ADAM12: variants seen among roughly 807,000 people sequenced by gnomAD.
ADAM12 encodes the protein disintegrin and metalloproteinase domain-containing protein 12.
ADAM12 carries 70 observed loss-of-function variants against 106.4 expected under a neutral mutation model. That is an observed-to-expected ratio of 0.66 (90% confidence interval 0.54 to 0.80). ADAM12 has a LOEUF of 0.80. ADAM12 is among the 30% of genes least tolerant of loss of function. The pLI is 0.00. For missense variants in ADAM12, 1,010 were observed against 1,171.9 expected (o/e 0.86, Z 2.02); for synonymous variants, 420 against 433.5 (o/e 0.97, Z 0.39).
chr10:126,088,512 C>A (rs1481796060), intron 11 of ADAM12, among the ~76,000 whole-genome samples: 1 of 149,954 alleles, frequency 6.7e-6, no homozygotes, highest in Non-Finnish European at 1.5e-5. Flanking sequence ...ACCAGCCTGT[C>A]CAACATGATG....
At chr10:126,114,283 T>G (rs923862473) in intron 6 of ADAM12, among the ~76,000 whole-genome samples, 2 of 151,920 alleles carry the variant, frequency 1.3e-5, no homozygotes. Context: ...TAGGGAGAAA[T>G]GTGAAGTATT....
chr10:126,074,579 G>A (rs544481824), intron 11 of ADAM12, among the ~76,000 whole-genome samples: 11 of 152,180 alleles, frequency 7.2e-5, no homozygotes, highest in Admixed American at 2.6e-4. Flanking sequence ...TTGTCAGACT[G>A]TATAGTGATC....
intron 3 of ADAM12, among the ~76,000 whole-genome samples, chr10:126,196,642 A>G (rs938977145): frequency 6.6e-6 from 1 of 152,228 alleles, no homozygotes; most frequent in Non-Finnish European, 1.5e-5. Flanking sequence ...ACTGGGGTTG[A>G]CAGAAAATAA....
chr10:126,119,281 T>C (rs531076166), intron 5 of ADAM12, among the ~76,000 whole-genome samples: 6 of 152,316 alleles, frequency 3.9e-5, no homozygotes, highest in African/African-American at 1.2e-4. Context: ...TTACTAGTTA[T>C]GTGACCTTAA....
intron 21 of ADAM12, among the ~76,000 whole-genome samples, chr10:126,021,596 T>G (rs1953768702): frequency 6.6e-6 from 1 of 152,082 alleles, no homozygotes; most frequent in African/African-American, 2.4e-5. Flanking sequence ...AAAGAAACAT[T>G]AAATAGAAAA....
chr10:126,175,674 T>C (rs905312832), intron 3 of ADAM12, among the ~76,000 whole-genome samples: 5 of 152,356 alleles, frequency 3.3e-5, no homozygotes, highest in Non-Finnish European at 7.3e-5. Flanking sequence ...CGTGATGTGA[T>C]GTGGGTGCCA....
intron 3 of ADAM12, among the ~76,000 whole-genome samples, chr10:126,214,767 C>T (rs769756406): frequency 5.9e-5 from 9 of 152,208 alleles, no homozygotes; most frequent in Non-Finnish European, 1.2e-4. Context: ...AGCTTGGAGT[C>T]CTAGTTAATC....
chr10:126,145,116 T>C (rs1624391), intron 4 of ADAM12, among the ~76,000 whole-genome samples: 114,125 of 152,112 alleles, frequency 0.75, 42,981 homozygotes, highest in East Asian at 0.91. Flanking sequence ...GGGCACATTA[T>C]GTCATATGTT....
intron 2 of ADAM12, among the ~76,000 whole-genome samples, chr10:126,310,337 G>A (rs767393583): frequency 3.3e-5 from 5 of 152,046 alleles, no homozygotes; most frequent in Admixed American, 1.3e-4. Context: ...AGGGGTCGGA[G>A]GAGAACAAGG....
At chr10:126,325,495 C>G (rs888741631) in intron 2 of ADAM12, among the ~76,000 whole-genome samples, 18 of 152,168 alleles carry the variant, frequency 1.2e-4, no homozygotes, top group Admixed American at 8.5e-4. Flanking sequence ...GTAGAATGTG[C>G]CTCTGTCATT....
chr10:126,168,226 T>C (rs954361265), intron 3 of ADAM12, among the ~76,000 whole-genome samples: 1 of 152,200 alleles, frequency 6.6e-6, no homozygotes. Context: ...ATCTGCAGAA[T>C]GTTTGGGCTG....
At chr10:126,186,637 A>AG (rs1359722539) in intron 3 of ADAM12, among the ~76,000 whole-genome samples, 5 of 151,336 alleles carry the variant, frequency 3.3e-5, no homozygotes, top group African/African-American at 9.7e-5. Flanking sequence ...TGGGCCATAG[A>AG]GGGGGGCAGG....
At position 126,117,177 on chromosome 10, in the gene ADAM12, G is replaced by A. The variant is rs566355823; in HGVS notation, c.603+861C>T. Among the ~76,000 whole-genome samples the A allele has an allele frequency of 2.0e-5, 3 of 152,282 alleles. No homozygotes were observed. In the East Asian group the frequency reaches 5.8e-4, roughly 29 times the overall value. On this transcript the variant is annotated intron_variant, in intron 6 of 22. Coordinates refer to ENST00000448723, the MANE Select transcript of ADAM12 (RefSeq NM_001288973.2). ...GGGCCTCCAGCCAAATGTTGGGAACGATTGCCTTTAATCCTTATTAAAAGA... is the reference window on the plus strand; with the variant it reads ...GGGCCTCCAGCCAAATGTTGGGAACAATTGCCTTTAATCCTTATTAAAAGA...
At chr10:126,041,386 GA>G (rs1206213933) in intron 18 of ADAM12, 2 of 985,640 alleles carry the variant, frequency 2.0e-6, no homozygotes, top group Non-Finnish European at 1.2e-6. Flanking sequence ...GGCCACGGGG[GA>G]TGGAGTTAGG....
rs1275374850 is a variant in ADAM12, at chr10:126,135,599, G to A, written c.401C>T (p.Thr134Met). The A allele has an allele frequency of 1.5e-5, 24 of 1,614,068 alleles. No individual in the cohort carries two copies. The highest frequency in any genetic ancestry group is 1.9e-5 in the Non-Finnish European group (22 of 1,180,020). Residue 134 changes from threonine (T) to methionine (M), a missense_variant, in exon 5 of 23, where the codon ACG becomes ATG. Around this residue, in one of 3 missense-constraint regions of ADAM12, gnomAD observed 391 missense variants for 442.9 expected, o/e 0.88. Coordinates refer to ENST00000448723, the MANE Select transcript of ADAM12 (RefSeq NM_001288973.2). ...GGCCACTTACCTGAGACCAGAACAC[G>A]TGCTGAGACTGACTGCTGAATCAGA... ...GYSDSAVSLSTCSGLRGLIVF... is the reference protein window; with the variant it reads ...GYSDSAVSLSMCSGLRGLIVF...
intron 1 of ADAM12, among the ~76,000 whole-genome samples, chr10:126,358,873 CA>C (rs1564754038): frequency 1.3e-5 from 2 of 151,984 alleles, no homozygotes; most frequent in Non-Finnish European, 2.9e-5. Flanking sequence ...AAAAAGAAAT[CA>C]AGAGAAGAAT....
At chr10:126,303,978 C>T (rs1960733693) in intron 2 of ADAM12, among the ~76,000 whole-genome samples, 1 of 152,114 alleles carries the variant, frequency 6.6e-6, no homozygotes, top group African/African-American at 2.4e-5. Context: ...ATCAGACCTC[C>T]TCCAGAGATT....
At chr10:126,206,858 G>C (rs980907274) in intron 3 of ADAM12, among the ~76,000 whole-genome samples, 3 of 139,172 alleles carry the variant, frequency 2.2e-5, no homozygotes, top group East Asian at 2.0e-4. Context: ...GTGTTGTGGG[G>C]GCGGGGGGGA....
At chr10:126,082,339 T>C (rs2133531020) in intron 11 of ADAM12, among the ~76,000 whole-genome samples, 1 of 145,504 alleles carries the variant, frequency 6.9e-6, no homozygotes, top group East Asian at 2.0e-4. Flanking sequence ...GGATCCATTC[T>C]CTGGAGAAGA....
Sources: gnomAD v4.1 joint callset for allele counts (sites outside exome capture counted in the v4.1 genomes callset) on GRCh38, gnomAD v4.1.1 for gene constraint, gnomAD v4.1.1 regional missense constraint, MANE v1.5 for transcripts, NCBI Gene and HGNC (gene_info 2026-07-23, HGNC 2026-07-21) for gene names.